Variants in ZFHX3 observed in about 807,000 individuals in gnomAD.
ZFHX3 encodes the protein zinc finger homeobox 3.
Under a neutral mutation model 279.1 loss-of-function variants are expected in ZFHX3, and 42 were observed. The ratio of observed to expected loss-of-function variants is 0.15; its 90% CI spans 0.12 to 0.19. The LOEUF (loss-of-function observed/expected upper bound fraction) is 0.19, where lower values mean the gene tolerates loss of function less well. ZFHX3 is among the 10% of genes least tolerant of loss of function. The pLI is 1.00. For synonymous variants in ZFHX3, 2,293 were observed against 1,957.8 expected (o/e 1.17, Z -4.52); for missense variants, 4,981 against 4,754.0 (o/e 1.05, Z -1.40).
chr16:73,249,853 A>T (rs1463700105), intron 5 of ZFHX3, among the ~76,000 whole-genome samples: 1 of 93,722 alleles, frequency 1.1e-5, no homozygotes, highest in East Asian at 2.4e-4. Flanking sequence ...CACACACAAA[A>T]TTCAAAAGAC....
Position 73,316,497 on chromosome 16 carries a change from T to G in ZFHX3, c.-1194+1743A>C, listed in dbSNP as rs776150764. ...GTTCCTTCTCTGACCTCGGATGATTTAAGTCATCTCTACCATTCAACCTAA... is the reference window on the plus strand; with the variant it reads ...GTTCCTTCTCTGACCTCGGATGATTGAAGTCATCTCTACCATTCAACCTAA... On this transcript the variant is annotated intron_variant, in intron 4 of 17. Transcript: ENST00000641206. Among the ~76,000 whole-genome samples, 6 of 152,338 alleles carry G rather than the reference T, an allele frequency of 3.9e-5. No individual in the cohort carries two copies. The Middle Eastern group carries it at 0.014, about 345-fold the overall frequency.
chr16:73,194,449 C>T (rs1968102335), intron 5 of ZFHX3, among the ~76,000 whole-genome samples: 1 of 152,174 alleles, frequency 6.6e-6, no homozygotes, highest in African/African-American at 2.4e-5. Flanking sequence ...ATCCTCCCAC[C>T]TTGGCCTCCC....
At chr16:73,256,512 A>G (rs1261826287) in intron 5 of ZFHX3, among the ~76,000 whole-genome samples, 1 of 152,228 alleles carries the variant, frequency 6.6e-6, no homozygotes, top group Non-Finnish European at 1.5e-5. Flanking sequence ...TCTGTTCTAC[A>G]ACCTCAGAGA....
intron 3 of ZFHX3, among the ~76,000 whole-genome samples, chr16:72,931,743 T>C (rs1289774541): frequency 6.6e-6 from 1 of 152,032 alleles, no homozygotes; most frequent in East Asian, 1.9e-4. Context: ...AACATTAAAG[T>C]GAGATTCCTA....
chr16:73,466,931 A>G (rs2018584012), intron 2 of ZFHX3, among the ~76,000 whole-genome samples: 1 of 151,784 alleles, frequency 6.6e-6, no homozygotes, highest in Non-Finnish European at 1.5e-5. Context: ...GCAAAGCATG[A>G]GCTTTGAGCA....
chr16:73,630,653 T>G (rs1226049781), intron 2 of ZFHX3, among the ~76,000 whole-genome samples: 1 of 152,154 alleles, frequency 6.6e-6, no homozygotes, highest in Non-Finnish European at 1.5e-5. Flanking sequence ...TTCCACCAAG[T>G]TGTGACATAA....
At chr16:73,384,353 T>C (rs2016863883) in intron 3 of ZFHX3, among the ~76,000 whole-genome samples, 2 of 152,248 alleles carry the variant, frequency 1.3e-5, no homozygotes, top group Admixed American at 1.3e-4. Context: ...ACAGAAGAAT[T>C]TGCAGACTCT....
chr16:73,630,244 A>G (rs768478699), intron 2 of ZFHX3, among the ~76,000 whole-genome samples: 15 of 150,854 alleles, frequency 9.9e-5, no homozygotes, highest in Non-Finnish European at 1.9e-4. Context: ...TCCAGATTTA[A>G]CTTCGCCTCC....
chr16:73,557,999 C>A (rs1264317891), intron 2 of ZFHX3, among the ~76,000 whole-genome samples: 1 of 152,190 alleles, frequency 6.6e-6, no homozygotes, highest in Non-Finnish European at 1.5e-5. Flanking sequence ...CCTCAGAAAA[C>A]CAAATTCCAT....
chr16:72,958,479 G>C lies in ZFHX3; in HGVS notation c.1667C>G (p.Ser556Cys), dbSNP rs147016640. The change falls in exon 2 of 10, where the codon TCT (serine) becomes TGT (cysteine). Residue 556 changes from serine to cysteine, a missense_variant. Ser to Cys is a moderately radical substitution (Grantham distance 112). Around this residue, in one of 7 missense-constraint regions of ZFHX3, gnomAD observed 1,068 missense variants for 935.2 expected, o/e 1.14. Transcript: ENST00000268489. ...GTASTSSNSA[S>C]SFVVFDGANR... ...CGCACCATCAAAGACAACAAAGGAA[G>C]AAGCAGAATTAGAACTAGTAGAAGC... is the stretch of plus-strand genomic sequence containing the variant. The C allele has an allele frequency of 2.0e-4, 327 of 1,614,138 alleles. No individual in the cohort carries two copies. Among genetic ancestry groups the C allele is most frequent in the Non-Finnish European group, 2.4e-4 (285 of 1,180,038 alleles).
chr16:73,325,927 AAAC>A lies in ZFHX3; in HGVS notation c.-1290-7594_-1290-7592del, dbSNP rs1567451237. Among the ~76,000 whole-genome samples the A allele has an allele frequency of 2.9e-4, 41 of 139,244 alleles. 1 individual carries two copies. Among genetic ancestry groups the A allele is most frequent in the Admixed American group, 3.5e-4 (5 of 14,408 alleles). 91.3% of individuals were successfully genotyped at this position (139,244 alleles called of 152,430 possible). A position where few individuals can be genotyped will look rare whatever the true frequency, so the allele number is the denominator to read the frequency against. On this transcript the variant is annotated intron_variant, in intron 3 of 17. Transcript: ENST00000641206. Reference sequence around the variant, plus strand: ...AACACACACACACACACACACACACAAACACACACACACACACACACACAGGGG... The same window carrying A: ...AACACACACACACACACACACACACAACACACACACACACACACACAGGGG...
At chr16:73,568,845 C>G (rs959873353) in intron 2 of ZFHX3, among the ~76,000 whole-genome samples, 5 of 152,124 alleles carry the variant, frequency 3.3e-5, no homozygotes, top group African/African-American at 1.2e-4. Context: ...CGTCTCCATT[C>G]TGGGCCACTC....
chr16:72,789,090 G>C, intron 9 of ZFHX3: 1 of 425,686 alleles, frequency 2.3e-6, no homozygotes, highest in Admixed American at 4.0e-5. Context: ...ACAACTTCCA[G>C]AAGTATCCCA....
intron 4 of ZFHX3, among the ~76,000 whole-genome samples, chr16:72,846,709 T>G (rs1397455950): frequency 6.6e-6 from 1 of 152,170 alleles, no homozygotes; most frequent in African/African-American, 2.4e-5. Context: ...GTAGAAAAAC[T>G]CCTGTCTTTC....
intron 1 of ZFHX3, among the ~76,000 whole-genome samples, chr16:73,881,830 G>T (rs758990353): frequency 6.6e-6 from 1 of 151,936 alleles, no homozygotes; most frequent in Admixed American, 6.6e-5. Context: ...TTTTCTTTCT[G>T]TTCTCTGCAG....
At chr16:73,613,091 A>G (rs2052264052) in intron 2 of ZFHX3, among the ~76,000 whole-genome samples, 1 of 152,220 alleles carries the variant, frequency 6.6e-6, no homozygotes, top group African/African-American at 2.4e-5. Flanking sequence ...TGAAATAGAA[A>G]GCAAGTTTTT....
chr16:73,746,458 C>T (rs1398390212), intron 1 of ZFHX3, among the ~76,000 whole-genome samples: 1 of 152,156 alleles, frequency 6.6e-6, no homozygotes, highest in African/African-American at 2.4e-5. Context: ...AAATACAGCA[C>T]CTTCATAGTC....
intron 4 of ZFHX3, among the ~76,000 whole-genome samples, chr16:73,275,402 CG>C (rs1463884882): frequency 6.7e-6 from 1 of 148,768 alleles, no homozygotes; most frequent in Admixed American, 6.6e-5. Flanking sequence ...GACGAAGCTT[CG>C]GGTGGTCATG....
chr16:73,329,780 C>T (rs1351326719), intron 3 of ZFHX3, among the ~76,000 whole-genome samples: 1 of 152,140 alleles, frequency 6.6e-6, no homozygotes, highest in African/African-American at 2.4e-5. Context: ...AAGGCCTTCC[C>T]GGCCTTGTTT....
Sources: allele counts gnomAD v4.1 joint callset (sites outside exome capture counted in the v4.1 genomes callset), GRCh38; gene constraint gnomAD v4.1.1; regional missense constraint gnomAD v4.1.1; transcripts MANE v1.5; gene names NCBI Gene and HGNC (gene_info 2026-07-23, HGNC 2026-07-21).